AGK: variants seen among roughly 807,000 people sequenced by gnomAD.
AGK encodes acylglycerol kinase, also known as acylglycerol kinase, mitochondrial.
In AGK, 52 loss-of-function variants were observed where a neutral mutation model predicts 66.4. The observed-to-expected ratio is 0.78, with a 90% CI of 0.63 to 0.99. The LOEUF is 0.99. AGK is among the 50% of genes least tolerant of loss of function. The pLI is 0.00. For missense variants in AGK, 451 were observed against 506.6 expected (o/e 0.89, Z 1.05); for synonymous variants, 182 against 181.1 (o/e 1.00, Z -0.04).
chr7:141,601,045 T>G (rs1412248763), intron 4 of AGK, among the ~76,000 whole-genome samples, 160 bp from the exon 5 acceptor site: 3 of 152,216 alleles, frequency 2.0e-5, no homozygotes, highest in Non-Finnish European at 4.4e-5. Flanking sequence ...CCATTCATAT[T>G]AACTCATTAC....
intron 2 of AGK, among the ~76,000 whole-genome samples, chr7:141,558,095 G>C (rs1795253516): frequency 6.6e-6 from 1 of 151,916 alleles, no homozygotes; most frequent in African/African-American, 2.4e-5. Context: ...GAGTCATATA[G>C]TATTTGTATT....
chr7:141,579,413 G>T (rs1022698623), intron 2 of AGK, among the ~76,000 whole-genome samples: 1 of 143,810 alleles, frequency 7.0e-6, no homozygotes, highest in Middle Eastern at 3.4e-3. Context: ...AGGTGGGAAG[G>T]CCAAACCGAG....
chr7:141,637,110 C>T (rs889389673), intron 11 of AGK, 93 bp downstream of exon 11: 3 of 995,708 alleles, frequency 3.0e-6, no homozygotes, highest in Non-Finnish European at 3.0e-6. Flanking sequence ...TTCCTTGCTA[C>T]AGATGAATGT....
At chr7:141,629,702 G>A (rs1394934205) in intron 9 of AGK, among the ~76,000 whole-genome samples, 1 of 151,942 alleles carries the variant, frequency 6.6e-6, no homozygotes, top group Non-Finnish European at 1.5e-5. Context: ...CTTTTGCTAG[G>A]ATACAGCACT....
chr7:141,639,434 C>A (rs140980584), intron 11 of AGK, among the ~76,000 whole-genome samples: 1 of 152,256 alleles, frequency 6.6e-6, no homozygotes, highest in East Asian at 1.9e-4. Context: ...AGAAGGGAGA[C>A]AGAAAGCATG....
intron 2 of AGK, among the ~76,000 whole-genome samples, chr7:141,577,913 A>G (rs537895239): frequency 5.1e-4 from 78 of 151,756 alleles, no homozygotes; most frequent in Non-Finnish European, 9.6e-4. Context: ...CCCAGGTTCA[A>G]GCAATTCTCC....
At position 141,598,596 on chromosome 7, in the gene AGK, A is replaced by G. The variant is rs896281637; in HGVS notation, c.221+1955A>G. ...AGGGACCTTTGGTATTAAATGAGAT[A>G]ATGCTTATTAGGCACTATTTCCATT... On this transcript the variant is annotated intron_variant, in intron 4 of 15. Coordinates refer to ENST00000649286, the MANE Select transcript of AGK (RefSeq NM_018238.4). This position sits in a 1 kb window ranked among gnomAD's most constrained non-coding sequence, Gnocchi z 4.2. Among the ~76,000 whole-genome samples the G allele has an allele frequency of 6.6e-6, 1 of 152,344 alleles. No homozygotes were observed. The highest frequency in any genetic ancestry group is 1.9e-4 in the East Asian group (1 of 5,192).
chr7:141,572,325 G>A (rs1795623212), intron 2 of AGK, among the ~76,000 whole-genome samples: 1 of 152,206 alleles, frequency 6.6e-6, no homozygotes, highest in South Asian at 2.1e-4. Context: ...CAGAGTGATG[G>A]CATTAGGAAT....
chr7:141,637,602 A>G (rs998078728), intron 11 of AGK, among the ~76,000 whole-genome samples: 2 of 152,196 alleles, frequency 1.3e-5, no homozygotes, highest in Admixed American at 6.5e-5. Context: ...GAAAATGCTA[A>G]TAGAAAAGTC....
At chr7:141,623,397 A>G (rs371119410) in intron 9 of AGK, among the ~76,000 whole-genome samples, 1 of 150,558 alleles carries the variant, frequency 6.6e-6, no homozygotes, top group African/African-American at 2.5e-5. Context: ...AAAAAAGAAA[A>G]AAAAAAGAAA....
intron 5 of AGK, among the ~76,000 whole-genome samples, chr7:141,610,930 A>G (rs1366911920): frequency 6.6e-6 from 1 of 152,232 alleles, no homozygotes; most frequent in African/African-American, 2.4e-5. Flanking sequence ...CTAGCTGTGT[A>G]AGAGACAAAT....
intron 2 of AGK, among the ~76,000 whole-genome samples, chr7:141,586,524 T>C (rs1490060000): frequency 6.6e-6 from 1 of 152,212 alleles, no homozygotes; most frequent in African/African-American, 2.4e-5. Context: ...CTGTGGGCTG[T>C]GGATGAGAAA....
intron 2 of AGK, among the ~76,000 whole-genome samples, chr7:141,588,497 T>C (rs1342275625): frequency 6.6e-6 from 1 of 151,874 alleles, no homozygotes; most frequent in Non-Finnish European, 1.5e-5. Flanking sequence ...ACACCTGTAA[T>C]CCCAGCTACT....
intron 9 of AGK, among the ~76,000 whole-genome samples, chr7:141,630,020 GA>G (rs1435334102): frequency 1.3e-5 from 2 of 152,152 alleles, no homozygotes; most frequent in Non-Finnish European, 2.9e-5. Flanking sequence ...AAGACTCTAA[GA>G]ACTGTAGTAA....
rs551634273 is a variant in AGK, at chr7:141,641,885, C to T, written c.952C>T (p.Arg318Trp). The T allele has an allele frequency of 2.1e-5, 34 of 1,581,610 alleles. No individual in the cohort carries two copies. The highest frequency in any genetic ancestry group is 3.5e-5 in the South Asian group (3 of 86,166). Residue 318 changes from arginine to tryptophan, a missense_variant, in exon 13 of 16, where the codon CGG (arginine) becomes TGG (tryptophan). Physicochemically the swap from Arg to Trp is moderately radical, Grantham distance 101 (BLOSUM62 -3). Transcript: ENST00000649286. Reference protein sequence around the residue: ...LSTIELSITTRNNQLDPTSKE... With the variant: ...LSTIELSITTWNNQLDPTSKE... ...CACCATTGAACTGTCCATCACAACA[C>T]GGAATAATCAGCTTGACCCGACAGT...
intron 2 of AGK, among the ~76,000 whole-genome samples, chr7:141,572,582 C>T (rs974808432): frequency 1.3e-5 from 2 of 152,134 alleles, no homozygotes; most frequent in Admixed American, 1.3e-4. Flanking sequence ...GTACTGTGCT[C>T]AGCTTATAGT....
chr7:141,571,399 G>C (rs905256466), intron 2 of AGK, among the ~76,000 whole-genome samples: 35 of 152,218 alleles, frequency 2.3e-4, no homozygotes, highest in Non-Finnish European at 3.7e-4. Flanking sequence ...TACTGAGTCA[G>C]AATCTGCTTT....
At chr7:141,559,650 C>T (rs1447877689) in intron 2 of AGK, among the ~76,000 whole-genome samples, 1 of 152,062 alleles carries the variant, frequency 6.6e-6, no homozygotes, top group Non-Finnish European at 1.5e-5. Flanking sequence ...GCAAAAAATG[C>T]CATTGGGATT....
rs1047039364 is a variant in AGK at position 141,655,133 on chromosome 7, A to C, written c.*2209A>C. The C allele has an allele frequency of 6.6e-6, 1 of 152,258 alleles. No homozygotes were observed. The highest frequency in any genetic ancestry group is 1.5e-5 in the Non-Finnish European group (1 of 68,046). The allele number at this position is 152,258 out of a possible 1,614,324, so 9.4% of individuals were successfully genotyped here. ...TCTGATAGGCTACCAGTGTGTGTTT[A>C]TGTGTGCTCATTTTGTGGTTCTAAT... On this transcript the variant is annotated 3_prime_UTR_variant, in exon 16 of 16. Coordinates refer to ENST00000649286, the MANE Select transcript of AGK (RefSeq NM_018238.4).
Sources: allele counts gnomAD v4.1 joint callset (sites outside exome capture counted in the v4.1 genomes callset), GRCh38; gene constraint gnomAD v4.1.1; non-coding constraint Gnocchi (gnomAD v3.1); transcripts MANE v1.5; gene names NCBI Gene and HGNC (gene_info 2026-07-23, HGNC 2026-07-21).